FAM107B: variants seen among roughly 807,000 people sequenced by gnomAD.
The protein encoded by FAM107B is family with sequence similarity 107 member B.
In FAM107B, 21 loss-of-function variants were observed where a neutral mutation model predicts 31.5. The observed-to-expected ratio is 0.67, with a 90% CI of 0.47 to 0.96. FAM107B has a LOEUF of 0.96. Ranked by LOEUF, FAM107B falls within the 40% of genes least tolerant of loss-of-function variation. FAM107B has a pLI of 0.00. For missense variants in FAM107B, 452 were observed against 377.1 expected, an observed-to-expected ratio of 1.20 and a Z score of -1.64; for synonymous variants, 157 against 141.5, an observed-to-expected ratio of 1.11 and a Z score of -0.78.
intron 2 of FAM107B, among the ~76,000 whole-genome samples, chr10:14,647,617 G>A (rs1044390030): frequency 6.6e-6 from 1 of 151,452 alleles, no homozygotes; most frequent in Non-Finnish European, 1.5e-5. Flanking sequence ...CCTGGGAGGC[G>A]GAGGTTGCAG....
At chr10:14,707,414 AG>A (rs1465504207) in intron 1 of FAM107B, among the ~76,000 whole-genome samples, 30 of 134 alleles carry the variant, frequency 0.22, no homozygotes, top group African/African-American at 0.39. Context: ...AGCTCAGAGA[AG>A]TTTGCGTTCC....
chr10:14,649,642 C>A (rs1853850375), intron 2 of FAM107B, among the ~76,000 whole-genome samples: 3 of 152,208 alleles, frequency 2.0e-5, no homozygotes, highest in African/African-American at 7.2e-5. Flanking sequence ...ACACCCCCCA[C>A]TTCGAGTTGT....
At chr10:14,680,500 G>C (rs575967925) in intron 1 of FAM107B, among the ~76,000 whole-genome samples, 1 of 151,474 alleles carries the variant, frequency 6.6e-6, no homozygotes, top group African/African-American at 2.4e-5. Context: ...CTTGAACCCC[G>C]GAGGCAGAGG....
chr10:14,584,160 C>G (rs1355733057), intron 2 of FAM107B, among the ~76,000 whole-genome samples: 3 of 152,330 alleles, frequency 2.0e-5, no homozygotes, highest in East Asian at 1.9e-4. Flanking sequence ...CCTAAATAAG[C>G]AGCAACACTC....
At chr10:14,590,419 T>C (rs1851977086) in intron 2 of FAM107B, among the ~76,000 whole-genome samples, 3 of 152,206 alleles carry the variant, frequency 2.0e-5, no homozygotes, top group South Asian at 4.1e-4. Context: ...AACAACACAT[T>C]GTGGCAAAAG....
At chr10:14,719,786 A>G (rs1409838427) in intron 1 of FAM107B, among the ~76,000 whole-genome samples, 1 of 142,014 alleles carries the variant, frequency 7.0e-6, no homozygotes, top group African/African-American at 2.5e-5. Flanking sequence ...CCCTCACACC[A>G]TCTCTGTCTT....
At chr10:14,663,593 T>C (rs1854311649) in intron 2 of FAM107B, 1 of 152,132 alleles carries the variant, frequency 6.6e-6, no homozygotes, top group Non-Finnish European at 1.5e-5. Flanking sequence ...TAAAAGGAAG[T>C]TCTTATAAAT....
intron 2 of FAM107B, among the ~76,000 whole-genome samples, chr10:14,659,311 C>T (rs1001576426): frequency 2.0e-5 from 3 of 152,128 alleles, no homozygotes; most frequent in South Asian, 4.2e-4. Flanking sequence ...CATGGTGGCG[C>T]GCACCTGTAG....
chr10:14,629,836 T>C (rs983935476), intron 2 of FAM107B, among the ~76,000 whole-genome samples: 1 of 151,920 alleles, frequency 6.6e-6, no homozygotes, highest in Admixed American at 6.6e-5. Flanking sequence ...TTAAAATTTA[T>C]TGTTATTATA....
chr10:14,576,632 A>C (rs550406224), intron 2 of FAM107B, among the ~76,000 whole-genome samples: 24 of 152,338 alleles, frequency 1.6e-4, no homozygotes, highest in Admixed American at 2.6e-4. Context: ...TGATATTAGT[A>C]AAACTGGCAC....
intron 2 of FAM107B, among the ~76,000 whole-genome samples, chr10:14,567,084 C>T (rs1369274920): frequency 6.6e-6 from 1 of 152,148 alleles, no homozygotes; most frequent in Admixed American, 6.5e-5. Context: ...ACCCAGGAGG[C>T]GGAGCTTGCA....
At chr10:14,521,794 T>C in intron 4 of FAM107B, 75 bp downstream of exon 4, 7 of 1,562,922 alleles carry the variant, frequency 4.5e-6, no homozygotes, top group Admixed American at 2.0e-5. Context: ...GTCTGGTAAA[T>C]CCTGCCCGCT....
At chr10:14,678,637 TG>T (rs1212593452) in intron 1 of FAM107B, among the ~76,000 whole-genome samples, 8 of 152,124 alleles carry the variant, frequency 5.3e-5, no homozygotes, top group Non-Finnish European at 8.8e-5. Context: ...TCTCTCTGTT[TG>T]TCTCCCTTTT....
chr10:14,667,828 G>A lies in FAM107B; in HGVS notation c.412-137C>T. The stretch of plus-strand genomic sequence containing the variant: ...AACTTAAACCACACCTTAAAGAACT[G>A]AGGTTTTGGACAAGCTACTACAAAT... On this transcript the variant is annotated intron_variant, in intron 1 of 4. Transcript: ENST00000181796. The A allele has an allele frequency of 3.7e-6, 3 of 819,880 alleles. No individual in the cohort carries two copies. In the South Asian group the frequency reaches 5.1e-5, roughly 14 times the overall value. The allele number at this position is 819,880 out of a possible 1,614,324, so 50.8% of individuals were successfully genotyped here.
intron 2 of FAM107B, among the ~76,000 whole-genome samples, chr10:14,577,408 G>A (rs775716213): frequency 3.9e-5 from 6 of 152,266 alleles, no homozygotes; most frequent in South Asian, 2.1e-4. Flanking sequence ...TTCCGTTCAC[G>A]GAAAGAAAAC....
chr10:14,578,562 T>C (rs1327082498), intron 2 of FAM107B, among the ~76,000 whole-genome samples: 1 of 152,320 alleles, frequency 6.6e-6, no homozygotes, highest in African/African-American at 2.4e-5. Flanking sequence ...TTGCTCACTT[T>C]CTGGTCCTGT....
intron 1 of FAM107B, among the ~76,000 whole-genome samples, chr10:14,710,711 T>C (rs2131537138): frequency 6.6e-6 from 1 of 152,108 alleles, no homozygotes; most frequent in Non-Finnish European, 1.5e-5. Flanking sequence ...ACAAAAAAAG[T>C]TCAAAAAGTA....
chr10:14,545,654 A>T (rs1229413319), intron 2 of FAM107B, among the ~76,000 whole-genome samples: 2 of 152,246 alleles, frequency 1.3e-5, no homozygotes, highest in Admixed American at 1.3e-4. Context: ...TTGAAATTAT[A>T]CAAGTTTTGA....
At chr10:14,586,814 A>T (rs1306030843) in intron 2 of FAM107B, among the ~76,000 whole-genome samples, 1 of 152,162 alleles carries the variant, frequency 6.6e-6, no homozygotes, top group Non-Finnish European at 1.5e-5. Flanking sequence ...TAGATCCCAG[A>T]GCTCCAGTAT....
Sources: gnomAD v4.1 joint callset for allele counts (sites outside exome capture counted in the v4.1 genomes callset) on GRCh38, gnomAD v4.1.1 for gene constraint, MANE v1.5 for transcripts, NCBI Gene and HGNC (gene_info 2026-07-23, HGNC 2026-07-21) for gene names.